CSMD3: variants seen among roughly 807,000 people sequenced by gnomAD.
CSMD3 encodes the protein CUB and sushi domain-containing protein 3.
Under a neutral mutation model 435.2 loss-of-function variants are expected in CSMD3, and 177 were observed. The ratio of observed to expected loss-of-function variants is 0.41; its 90% CI spans 0.36 to 0.46. CSMD3 has a LOEUF of 0.46. Ranked by LOEUF, CSMD3 falls within the 20% of genes least tolerant of loss-of-function variation. The pLI is 0.34. For missense variants in CSMD3, 4,265 were observed against 4,504.6 expected, an observed-to-expected ratio of 0.95 and a Z score of 1.52; for synonymous variants, 1,656 against 1,520.5, an observed-to-expected ratio of 1.09 and a Z score of -2.07.
chr8:112,472,159 G>C (rs1354343107), intron 32 of CSMD3, among the ~76,000 whole-genome samples: 1 of 152,090 alleles, frequency 6.6e-6, no homozygotes, highest in Non-Finnish European at 1.5e-5. Flanking sequence ...CTTCTTTCTG[G>C]AAATGTGTTA....
At chr8:113,280,298 T>C (rs937831798) in intron 2 of CSMD3, among the ~76,000 whole-genome samples, 1 of 151,842 alleles carries the variant, frequency 6.6e-6, no homozygotes, top group Non-Finnish European at 1.5e-5. Flanking sequence ...GGTCTTGGAC[T>C]TTTTTTCGTT....
intron 13 of CSMD3, among the ~76,000 whole-genome samples, chr8:112,719,562 G>A (rs1040804331): frequency 6.6e-6 from 1 of 152,082 alleles, no homozygotes; most frequent in Non-Finnish European, 1.5e-5. Context: ...GAGACAGACG[G>A]AGATTTCACG....
chr8:113,432,806 C>T (rs2094683054), intron 1 of CSMD3, among the ~76,000 whole-genome samples: 1 of 152,176 alleles, frequency 6.6e-6, no homozygotes, highest in Non-Finnish European at 1.5e-5. Context: ...CGCCACTGGC[C>T]ATCTGGAGTC....
At chr8:112,386,945 A>C (rs1830030017) in intron 36 of CSMD3, among the ~76,000 whole-genome samples, 1 of 152,244 alleles carries the variant, frequency 6.6e-6, no homozygotes, top group African/African-American at 2.4e-5. Flanking sequence ...ATAACTGTTC[A>C]AATTACATTT....
intron 6 of CSMD3, among the ~76,000 whole-genome samples, chr8:112,996,113 G>A (rs540431582): frequency 6.6e-6 from 1 of 151,268 alleles, no homozygotes; most frequent in Non-Finnish European, 1.5e-5. Flanking sequence ...TATGTGGTGA[G>A]AACACTTAAA....
chr8:112,248,556 T>C (rs189790439), intron 63 of CSMD3, among the ~76,000 whole-genome samples: 4 of 152,222 alleles, frequency 2.6e-5, no homozygotes, highest in Admixed American at 1.3e-4. Flanking sequence ...TCTCCAGCAA[T>C]TGCAGTCTGA....
At chr8:112,575,282 A>C (rs531387991) in intron 23 of CSMD3, among the ~76,000 whole-genome samples, 1 of 152,018 alleles carries the variant, frequency 6.6e-6, no homozygotes, top group African/African-American at 2.4e-5. Flanking sequence ...TGCACGCTCC[A>C]TTTGTAATTG....
intron 11 of CSMD3, among the ~76,000 whole-genome samples, chr8:112,846,318 CCTTT>C (rs1296019126): frequency 6.7e-6 from 1 of 149,170 alleles, no homozygotes; most frequent in Admixed American, 6.7e-5. Context: ...TTCCTTCCTT[CCTTT>C]CCTTTCTCTT....
intron 5 of CSMD3, among the ~76,000 whole-genome samples, chr8:113,032,418 A>G (rs566883257): frequency 5.3e-5 from 8 of 151,782 alleles, no homozygotes; most frequent in African/African-American, 1.4e-4. Flanking sequence ...TGCTATGCTT[A>G]GCAAAGACTC....
At chr8:113,330,744 G>A (rs1488671825) in intron 1 of CSMD3, among the ~76,000 whole-genome samples, 1 of 151,736 alleles carries the variant, frequency 6.6e-6, no homozygotes, top group Non-Finnish European at 1.5e-5. Flanking sequence ...AAAAAAATAT[G>A]AAAATATTTG....
intron 3 of CSMD3, among the ~76,000 whole-genome samples, chr8:113,236,823 CTCTA>C (rs367857240): frequency 9.2e-5 from 14 of 151,828 alleles, no homozygotes; most frequent in East Asian, 7.8e-4. Flanking sequence ...CTATCTATCT[CTCTA>C]TCTATCTATC....
rs549812945 is a variant in CSMD3 at position 112,656,783 on chromosome 8, G to T, written c.2817-442C>A. Among the ~76,000 whole-genome samples the T allele has an allele frequency of 3.9e-5, 6 of 151,996 alleles. No homozygotes were observed. In the South Asian group the frequency reaches 1.2e-3, roughly 32 times the overall value. On this transcript the variant is annotated intron_variant, in intron 17 of 70. Transcript: ENST00000297405. ...TTTTATAATTATTTTTTATTCAAGT[G>T]TTTTTTATTGATACATAACATTTAT... is the stretch of plus-strand genomic sequence containing the variant.
rs185003074 is a variant in CSMD3 at position 113,411,883 on chromosome 8, C to T, written c.178+24794G>A. 3.9e-5 allele frequency among the ~76,000 whole-genome samples: 6 copies of T among 152,152 alleles called. No homozygotes were observed. The East Asian group carries it at 9.7e-4, about 25-fold the overall frequency. ...TTTTTAAAAAAAATTCCAACAACTG[C>T]AAAATTTTCTTATCTTCAGCACAGT... On this transcript the variant is annotated intron_variant, in intron 1 of 70. Transcript: ENST00000297405.
intron 1 of CSMD3, among the ~76,000 whole-genome samples, chr8:113,415,230 G>T (rs2129859536): frequency 6.6e-6 from 1 of 152,178 alleles, no homozygotes; most frequent in African/African-American, 2.4e-5. Context: ...AATGTCTTAA[G>T]GACAGTTTAT....
chr8:112,806,328 G>C (rs1246101332), intron 12 of CSMD3, among the ~76,000 whole-genome samples: 4 of 152,160 alleles, frequency 2.6e-5, no homozygotes, highest in Non-Finnish European at 5.9e-5. Flanking sequence ...TAACTCAAAA[G>C]TTGGGAATAG....
chr8:112,713,537 C>T (rs2076655800), intron 13 of CSMD3, among the ~76,000 whole-genome samples: 2 of 151,854 alleles, frequency 1.3e-5, no homozygotes. Flanking sequence ...CCCATCCTAG[C>T]AAGAGAGGCT....
intron 32 of CSMD3, among the ~76,000 whole-genome samples, chr8:112,468,203 T>C (rs547138272): frequency 3.9e-5 from 6 of 152,132 alleles, no homozygotes; most frequent in African/African-American, 1.4e-4. Context: ...CCTCTGTTTT[T>C]AAAATTTCAT....
chr8:112,825,284 A>G (rs927701943), intron 12 of CSMD3, among the ~76,000 whole-genome samples: 5 of 152,146 alleles, frequency 3.3e-5, no homozygotes, highest in Admixed American at 2.6e-4. Context: ...GTTATTACTC[A>G]ACATCTGAAG....
At chr8:112,597,036 T>C (rs1831796636) in intron 22 of CSMD3, among the ~76,000 whole-genome samples, 1 of 151,780 alleles carries the variant, frequency 6.6e-6, no homozygotes, top group Non-Finnish European at 1.5e-5. Context: ...CTGAAGGAAA[T>C]AGAGACACAA....
Sources: gnomAD v4.1 joint callset for allele counts (sites outside exome capture counted in the v4.1 genomes callset) on GRCh38, gnomAD v4.1.1 for gene constraint, MANE v1.5 for transcripts, NCBI Gene and HGNC (gene_info 2026-07-23, HGNC 2026-07-21) for gene names.